The following C8orf34 variants were observed in gnomAD, a reference collection of about 807,000 sequenced individuals.
The protein encoded by C8orf34 is uncharacterized protein C8orf34.
In C8orf34, 65 loss-of-function variants were observed where a neutral mutation model predicts 68.3. The observed-to-expected ratio is 0.95, with a 90% CI of 0.78 to 1.17. The LOEUF (loss-of-function observed/expected upper bound fraction) is 1.17, where lower values mean the gene tolerates loss of function less well. Ranked by LOEUF, C8orf34 falls within the 50% of genes most tolerant of loss-of-function variation. The pLI is 0.00. For synonymous variants in C8orf34, 244 were observed against 241.2 expected (o/e 1.01, Z -0.11); for missense variants, 664 against 655.4 (o/e 1.01, Z -0.14).
chr8:68,687,378 G>T (rs973616726), intron 8 of C8orf34, among the ~76,000 whole-genome samples: 1 of 152,064 alleles, frequency 6.6e-6, no homozygotes. Flanking sequence ...CAAGGCTATA[G>T]CTCCCAAAAT....
intron 1 of C8orf34, among the ~76,000 whole-genome samples, chr8:68,389,552 C>A (rs1239257309): frequency 1.3e-5 from 2 of 152,120 alleles, no homozygotes; most frequent in Non-Finnish European, 2.9e-5. Flanking sequence ...TACTTGTTAT[C>A]CACATGGTAC....
intron 1 of C8orf34, among the ~76,000 whole-genome samples, chr8:68,437,201 T>C (rs1309339558): frequency 6.6e-6 from 1 of 152,214 alleles, no homozygotes; most frequent in African/African-American, 2.4e-5. Flanking sequence ...TTAATAGTAA[T>C]TACTTGGTTT....
chr8:68,606,675 A>AT lies in C8orf34; in HGVS notation c.1106-33695dup, dbSNP rs564701032. The stretch of plus-strand genomic sequence containing the variant: ...GATACCCTGCCTCCTAATCTTTACT[A>AT]TTTTTTGGGAAAATGCTGTAATGGA... On this transcript the variant is annotated intron_variant, in intron 7 of 13. Coordinates refer to ENST00000518698, the MANE Select transcript of C8orf34 (RefSeq NM_052958.4). Among the ~76,000 whole-genome samples the AT allele has an allele frequency of 5.3e-5, 8 of 151,962 alleles. No homozygotes were observed. In the East Asian group the frequency reaches 1.5e-3, roughly 29 times the overall value.
chr8:68,567,575 A>AT (rs1563534685), intron 7 of C8orf34, among the ~76,000 whole-genome samples: 2 of 33,062 alleles, frequency 6.0e-5, no homozygotes, highest in East Asian at 9.5e-4. Flanking sequence ...TGTTTCATTT[A>AT]TCTTTTTTTT....
At chr8:68,717,769 T>TA (rs561630197) in intron 9 of C8orf34, among the ~76,000 whole-genome samples, 34 of 152,184 alleles carry the variant, frequency 2.2e-4, no homozygotes, top group African/African-American at 7.7e-4. Flanking sequence ...TAATAAATAT[T>TA]AAAAAAACTG....
At chr8:68,444,176 G>T (rs569824831) in intron 2 of C8orf34, among the ~76,000 whole-genome samples, 26 of 151,920 alleles carry the variant, frequency 1.7e-4, no homozygotes, top group South Asian at 1.3e-3. Context: ...TCTCTTTCTG[G>T]CTTTGAATGC....
At chr8:68,749,036 A>C (rs977591805) in intron 10 of C8orf34, among the ~76,000 whole-genome samples, 1 of 152,020 alleles carries the variant, frequency 6.6e-6, no homozygotes, top group African/African-American at 2.4e-5. Context: ...GCACATATAC[A>C]CCATGGAATA....
chr8:68,675,967 A>C (rs1440251185), intron 8 of C8orf34, among the ~76,000 whole-genome samples: 1 of 152,186 alleles, frequency 6.6e-6, no homozygotes, highest in Non-Finnish European at 1.5e-5. Flanking sequence ...TCTCAGGACA[A>C]GGCCTATAAA....
At chr8:68,456,682 T>C (rs933079377) in intron 3 of C8orf34, among the ~76,000 whole-genome samples, 2 of 152,190 alleles carry the variant, frequency 1.3e-5, no homozygotes, top group Non-Finnish European at 2.9e-5. Flanking sequence ...TCAATAGTTA[T>C]GTGTCATAGA....
At chr8:68,542,050 A>G (rs780148164) in intron 7 of C8orf34, among the ~76,000 whole-genome samples, 3 of 152,186 alleles carry the variant, frequency 2.0e-5, no homozygotes, top group Non-Finnish European at 2.9e-5. Flanking sequence ...TTTTAATGGC[A>G]ATTACTTTTG....
chr8:68,463,556 A>G (rs1811953326), intron 3 of C8orf34, among the ~76,000 whole-genome samples: 1 of 152,206 alleles, frequency 6.6e-6, no homozygotes, highest in African/African-American at 2.4e-5. Context: ...AATACTGGCA[A>G]ACTGAATCCA....
At chr8:68,491,089 T>TA (rs1462285253) in intron 5 of C8orf34, among the ~76,000 whole-genome samples, 1 of 152,234 alleles carries the variant, frequency 6.6e-6, no homozygotes, top group African/African-American at 2.4e-5. Flanking sequence ...TGGAATTTTT[T>TA]AACCATCATT....
At chr8:68,618,803 G>A (rs1234023173) in intron 7 of C8orf34, among the ~76,000 whole-genome samples, 1 of 152,154 alleles carries the variant, frequency 6.6e-6, no homozygotes, top group African/African-American at 2.4e-5. Context: ...CAGACAAAAG[G>A]CAGATGGTCC....
chr8:68,373,149 C>G (rs1243927596), intron 1 of C8orf34, among the ~76,000 whole-genome samples: 1 of 151,910 alleles, frequency 6.6e-6, no homozygotes, highest in African/African-American at 2.4e-5. Context: ...TGTGCGTCAC[C>G]ACGCCTGGCT....
intron 8 of C8orf34, among the ~76,000 whole-genome samples, chr8:68,706,860 C>G (rs1821180982): frequency 1.3e-5 from 2 of 152,102 alleles, no homozygotes; most frequent in Admixed American, 6.5e-5. Flanking sequence ...GTGGGTCAGG[C>G]AGCCTCCCTG....
At chr8:68,399,862 G>T (rs982473747) in intron 1 of C8orf34, among the ~76,000 whole-genome samples, 1 of 152,112 alleles carries the variant, frequency 6.6e-6, no homozygotes, top group Non-Finnish European at 1.5e-5. Context: ...ATTCTGAGTG[G>T]TGTAAGATGA....
intron 5 of C8orf34, among the ~76,000 whole-genome samples, chr8:68,499,205 C>G (rs753346134): frequency 2.6e-5 from 4 of 152,038 alleles, no homozygotes; most frequent in African/African-American, 9.7e-5. Flanking sequence ...TGCATTGATT[C>G]GCTTAGGATA....
chr8:68,732,749 G>A (rs985655497), intron 10 of C8orf34, among the ~76,000 whole-genome samples: 5 of 152,104 alleles, frequency 3.3e-5, no homozygotes, highest in African/African-American at 1.2e-4. Context: ...GGTGGTTATT[G>A]TGAGGCAAGT....
chr8:68,368,938 A>G (rs1807434877), intron 1 of C8orf34, among the ~76,000 whole-genome samples: 2 of 152,278 alleles, frequency 1.3e-5, no homozygotes, highest in South Asian at 4.1e-4. Context: ...TTGTTATCCC[A>G]GAAATAGTAA....
Sources: gnomAD v4.1 joint callset for allele counts (sites outside exome capture counted in the v4.1 genomes callset) on GRCh38, gnomAD v4.1.1 for gene constraint, MANE v1.5 for transcripts, NCBI Gene and HGNC (gene_info 2026-07-23, HGNC 2026-07-21) for gene names.